The following GRK1 variants were observed in gnomAD, a reference collection of about 807,000 sequenced individuals.
The protein encoded by GRK1 is rhodopsin kinase GRK1.
Under a neutral mutation model 41.7 loss-of-function variants are expected in GRK1, and 28 were observed. The observed-to-expected ratio is 0.67, with a 90% CI of 0.50 to 0.92. GRK1 has a LOEUF of 0.92. GRK1 is among the 40% of genes least tolerant of loss of function. The probability of loss-of-function intolerance (pLI) is 0.00; values close to 1 mark genes in which losing one functional copy is unlikely to be tolerated. For synonymous variants in GRK1, 327 were observed against 286.7 expected (o/e 1.14, Z -1.42); for missense variants, 703 against 671.2 (o/e 1.05, Z -0.52).
chr13:113,731,248 G>A lies in GRK1; in HGVS notation c.1099G>A (p.Glu367Lys), dbSNP rs527731001. ...GFMAPELLQG[E>K]EYDFSVDYFA... The stretch of plus-strand genomic sequence containing the variant: ...CATGGCCCCCGAGCTCCTGCAGGGC[G>A]AGGAGTACGACTTCTCCGTGGACTA... The change falls in exon 5 of 7, where the codon GAG becomes AAG. Residue 367 changes from glutamate (E) to lysine (K), a missense_variant. Transcript: ENST00000335678. This position sits in a 1 kb window ranked among gnomAD's most constrained non-coding sequence, Gnocchi z 5.6. The A allele has an allele frequency of 1.2e-5, 18 of 1,537,088 alleles. No individual in the cohort carries two copies. The Admixed American group carries it at 1.4e-4, about 12-fold the overall frequency.
intron 6 of GRK1, among the ~76,000 whole-genome samples, chr13:113,733,710 TGCGCAC>T: frequency 7.3e-6 from 1 of 137,154 alleles, no homozygotes; most frequent in South Asian, 2.3e-4. Flanking sequence ...TGTGCGTGTG[TGCGCAC>T]GTGTGTGTGC....
upstream of GRK1, among the ~76,000 whole-genome samples, chr13:113,666,339 C>T (rs1594569331): frequency 6.7e-6 from 1 of 149,254 alleles, no homozygotes; most frequent in Middle Eastern, 3.7e-3. Context: ...CAGGTGTGCC[C>T]CAGGTGTGTT....
chr13:113,726,705 G>A (rs1218888557), intron 4 of GRK1, among the ~76,000 whole-genome samples: 1 of 152,202 alleles, frequency 6.6e-6, no homozygotes, highest in Non-Finnish European at 1.5e-5. Context: ...AGGAGCCTGC[G>A]GTCTGGTGGG....
chr13:113,730,945 G>C (rs2049932442), intron 4 of GRK1, among the ~76,000 whole-genome samples: 1 of 152,232 alleles, frequency 6.6e-6, no homozygotes, highest in Non-Finnish European at 1.5e-5. Context: ...CCTGTGCCCA[G>C]CACTAGAGTG....
chr13:113,669,647 C>G (rs2049843111), intron 1 of GRK1, 40 bp from the exon 2 acceptor site: 1 of 1,612,988 alleles, frequency 6.2e-7, no homozygotes, highest in Non-Finnish European at 8.5e-7. Flanking sequence ...AGTCCCTTTC[C>G]TATTCAAAGC....
the GRK1 span, among the ~76,000 whole-genome samples, chr13:113,662,159 T>A: frequency 4.6e-5 from 7 of 152,186 alleles, no homozygotes; most frequent in Non-Finnish European, 7.3e-5. Context: ...CAAGGCTGGT[T>A]CAGTATTCAA....
intron 4 of GRK1, among the ~76,000 whole-genome samples, chr13:113,723,850 G>GTGCCTGTGTGTGCA (rs1555360570): frequency 8.3e-6 from 1 of 120,796 alleles, no homozygotes; most frequent in African/African-American, 4.3e-5. Flanking sequence ...ACGTGTCTGT[G>GTGCCTGTGTGTGCA]TGCCTGTGTG....
In GRK1 at chr13:113,723,202, G is replaced by A. The variant is rs563493247; in HGVS notation, c.1069+45G>A. Reference sequence around the variant, plus strand: ...TGGGGAGGCTCCGTGCATGGGTTACGTCCCTGTGTACATGTGTGTGCCTGT... The same window carrying A: ...TGGGGAGGCTCCGTGCATGGGTTACATCCCTGTGTACATGTGTGTGCCTGT... On this transcript the variant is annotated intron_variant, in intron 4 of 6. Transcript: ENST00000335678. 193 of 686,116 alleles carry A rather than the reference G, an allele frequency of 2.8e-4. 2 individuals carry two copies. Among genetic ancestry groups the A allele is most frequent in the South Asian group, 2.4e-3 (160 of 66,786 alleles). 42.5% of individuals were successfully genotyped at this position (686,116 alleles called of 1,614,324 possible). A position where few individuals can be genotyped will look rare whatever the true frequency, so the allele number is the denominator to read the frequency against.
At chr13:113,652,784 A>T in the GRK1 span, 1 of 1,471,840 alleles carries the variant, frequency 6.8e-7, no homozygotes, top group Non-Finnish European at 9.4e-7. Context: ...AGCCCCAGAC[A>T]GGACACCTGT....
At chr13:113,730,570 C>G (rs970728332) in intron 4 of GRK1, among the ~76,000 whole-genome samples, 1 of 150,546 alleles carries the variant, frequency 6.6e-6, no homozygotes, top group Non-Finnish European at 1.5e-5. Flanking sequence ...CCAGAGCCCT[C>G]CCTCCATCCT....
intron 1 of GRK1, among the ~76,000 whole-genome samples, chr13:113,668,727 C>T (rs986799933): frequency 1.3e-5 from 2 of 152,248 alleles, no homozygotes; most frequent in African/African-American, 2.4e-5. Flanking sequence ...TGAGGGGCAG[C>T]GGCTGTGCCG....
rs770260694 is a variant in GRK1 at position 113,733,911 on chromosome 13, AGTGTGCGT to A, written c.1396+833_1396+840del. Reference sequence around the variant, plus strand: ...TGTGCGTGTGTGTATGTGTGCATACAGTGTGCGTGTGTGCATGTGTGCATACGTGTGTG... The same window carrying A: ...TGTGCGTGTGTGTATGTGTGCATACAGTGTGCATGTGTGCATACGTGTGTG... On this transcript the variant is annotated intron_variant, in intron 6 of 6. Transcript: ENST00000335678. Among the ~76,000 whole-genome samples the A allele has an allele frequency of 1.1e-3, 64 of 57,384 alleles. 1 individual carries two copies. The highest frequency in any genetic ancestry group is 5.6e-3 in the African/African-American group (57 of 10,198). 37.6% of individuals were successfully genotyped at this position (57,384 alleles called of 152,430 possible). A position where few individuals can be genotyped will look rare whatever the true frequency, so the allele number is the denominator to read the frequency against.
chr13:113,669,820 G>C lies in GRK1; in HGVS notation c.827+6G>C, dbSNP rs768136106. ...ATGAACGGAGGTGACATCAGGTAAG[G>C]GCTGGGCCAGAGGGCACGAGGGGGC... On this transcript the variant is annotated splice_donor_region_variant and intron_variant, in intron 2 of 6. Coordinates refer to ENST00000335678, the MANE Select transcript of GRK1 (RefSeq NM_002929.3). The C allele has an allele frequency of 1.9e-6, 3 of 1,613,788 alleles. No homozygotes were observed. The South Asian group carries it at 3.3e-5, about 18-fold the overall frequency.
At chr13:113,733,786 C>CATGTGTGTGT (rs2049967457) in intron 6 of GRK1, among the ~76,000 whole-genome samples, 3 of 108,610 alleles carry the variant, frequency 2.8e-5, no homozygotes, top group African/African-American at 1.4e-4. Flanking sequence ...TACGTGTGTG[C>CATGTGTGTGT]ATGTGTGTAT....
chr13:113,666,243 G>A (rs1168881671), upstream of GRK1, among the ~76,000 whole-genome samples: 2 of 149,044 alleles, frequency 1.3e-5, no homozygotes, highest in African/African-American at 5.0e-5. Flanking sequence ...TGTACCCCAG[G>A]TGTGTCCCAG....
chr13:113,656,303 C>T, the GRK1 span, among the ~76,000 whole-genome samples: 2 of 152,192 alleles, frequency 1.3e-5, no homozygotes, highest in Non-Finnish European at 2.9e-5. Flanking sequence ...GGTCTCTGTT[C>T]CCCCGCTGTG....
At chr13:113,733,206 T>TCCCTCTGCCCCCAGCAAGGCCCC in intron 6 of GRK1, 121 bp downstream of exon 6, 1 of 958,640 alleles carries the variant, frequency 1.0e-6, no homozygotes, top group African/African-American at 1.6e-5. Context: ...CCCAAGGCTC[T>TCCCTCTGCCCCCAGCAAGGCCCC]CCCTCTGCCC....
chr13:113,733,670 C>CGT (rs2049960433), intron 6 of GRK1, among the ~76,000 whole-genome samples: 3 of 54,706 alleles, frequency 5.5e-5, no homozygotes, highest in African/African-American at 3.7e-4. Flanking sequence ...TGCGTGTGTG[C>CGT]ACGTGTGTGC....
At chr13:113,729,063 G>A (rs541423320) in intron 4 of GRK1, among the ~76,000 whole-genome samples, 49 of 152,316 alleles carry the variant, frequency 3.2e-4, no homozygotes, top group African/African-American at 1.1e-3. Flanking sequence ...GAGTCAGGCC[G>A]CGGTGAAGGG....
Sources: gnomAD v4.1 joint callset for allele counts (sites outside exome capture counted in the v4.1 genomes callset) on GRCh38, gnomAD v4.1.1 for gene constraint, Gnocchi (gnomAD v3.1) non-coding constraint, MANE v1.5 for transcripts, NCBI Gene and HGNC (gene_info 2026-07-23, HGNC 2026-07-21) for gene names.